Variants in DNAH11 observed in about 807,000 individuals in gnomAD.
The protein encoded by DNAH11 is dynein axonemal heavy chain 11.
Under a neutral mutation model 526.0 loss-of-function variants are expected in DNAH11, and 442 were observed. That is an observed-to-expected ratio of 0.84 (90% CI 0.78 to 0.91). DNAH11 has a LOEUF of 0.91. DNAH11 is among the 40% of genes least tolerant of loss of function. The pLI is 0.00. For synonymous variants in DNAH11, 2,461 were observed against 1,935.9 expected (o/e 1.27, Z -7.12); for missense variants, 6,989 against 5,448.7 (o/e 1.28, Z -8.90).
At chr7:21,883,573 T>C (rs544053592) in intron 75 of DNAH11, among the ~76,000 whole-genome samples, 6 of 152,364 alleles carry the variant, frequency 3.9e-5, no homozygotes, top group African/African-American at 1.4e-4. Context: ...ATTGTGTGGA[T>C]GTTGCTTTCT....
At chr7:21,750,130 T>G in intron 53 of DNAH11, 92 bp from the exon 54 acceptor site, 4 of 1,418,952 alleles carry the variant, frequency 2.8e-6, no homozygotes, top group Middle Eastern at 1.8e-4. Flanking sequence ...ATGCTGAACT[T>G]TGTCTTGTAA....
At chr7:21,879,334 G>T (rs1783828448) in intron 74 of DNAH11, among the ~76,000 whole-genome samples, 2 of 152,058 alleles carry the variant, frequency 1.3e-5, no homozygotes, top group Non-Finnish European at 2.9e-5. Flanking sequence ...GTGCATGCCT[G>T]TAGTCCCAGC....
chr7:21,882,031 T>C (rs1203490820), intron 75 of DNAH11, among the ~76,000 whole-genome samples: 1 of 152,236 alleles, frequency 6.6e-6, no homozygotes, highest in Non-Finnish European at 1.5e-5. Flanking sequence ...TTGTCTAAAC[T>C]ATTGCACATA....
At chr7:21,737,669 G>A (rs1480136673) in intron 46 of DNAH11, among the ~76,000 whole-genome samples, 1 of 152,194 alleles carries the variant, frequency 6.6e-6, no homozygotes, top group East Asian at 1.9e-4. Flanking sequence ...ACCATTTATA[G>A]GCTGTGGTTG....
intron 63 of DNAH11, 90 bp from the exon 64 acceptor site, chr7:21,816,377 A>T: frequency 9.8e-7 from 1 of 1,015,646 alleles, no homozygotes; most frequent in Non-Finnish European, 1.5e-6. Flanking sequence ...ACCTAGGGTT[A>T]CTTTCTCATG....
At chr7:21,739,282 C>A (rs576032456) in intron 47 of DNAH11, among the ~76,000 whole-genome samples, 3 of 152,224 alleles carry the variant, frequency 2.0e-5, no homozygotes, top group South Asian at 2.1e-4. Flanking sequence ...TGGAGTCTTG[C>A]TATGGGTACA....
chr7:21,593,578 A>G (rs938693417), intron 14 of DNAH11, among the ~76,000 whole-genome samples: 3 of 152,082 alleles, frequency 2.0e-5, no homozygotes, highest in African/African-American at 7.2e-5. Context: ...GGGAAATGGG[A>G]TTTAGTAAAT....
chr7:21,826,269 T>TGGGTG (rs1790293662), intron 65 of DNAH11, among the ~76,000 whole-genome samples: 1 of 152,056 alleles, frequency 6.6e-6, no homozygotes, highest in African/African-American at 2.4e-5. Context: ...AAGACTTTCT[T>TGGGTG]ATTTCCTCAT....
At position 21,871,153 on chromosome 7, in the gene DNAH11, C is replaced by T. The variant is rs367604554; in HGVS notation, c.11968-2121C>T. ...TAAAGGTGTTTAGATAGTAGTTAATCGAAAGCCCAAATTCCAGAGAAAACT... is the reference window on the plus strand; with the variant it reads ...TAAAGGTGTTTAGATAGTAGTTAATTGAAAGCCCAAATTCCAGAGAAAACT... On this transcript the variant is annotated intron_variant, in intron 73 of 81. Coordinates refer to ENST00000409508, the MANE Select transcript of DNAH11 (RefSeq NM_001277115.2). Among the ~76,000 whole-genome samples the T allele has an allele frequency of 5.9e-5, 9 of 152,248 alleles. No individual in the cohort carries two copies. The East Asian group carries it at 9.6e-4, about 16-fold the overall frequency.
At chr7:21,655,698 TATTTTGAGGGAAAAC>T in intron 28 of DNAH11, 119 bp from the exon 29 acceptor site, 3 of 937,308 alleles carry the variant, frequency 3.2e-6, no homozygotes, top group Non-Finnish European at 4.6e-6. Flanking sequence ...AAGTGACTTT[TATTTTGAGGGAAAAC>T]ATTTTGAGAC....
intron 63 of DNAH11, among the ~76,000 whole-genome samples, chr7:21,815,878 C>T (rs143742924): frequency 6.6e-6 from 1 of 152,114 alleles, no homozygotes; most frequent in Non-Finnish European, 1.5e-5. Flanking sequence ...TTGCCCCTCC[C>T]CAACCCCTTA....
At chr7:21,691,164 A>T (rs1583598013) in intron 35 of DNAH11, among the ~76,000 whole-genome samples, 1 of 131,948 alleles carries the variant, frequency 7.6e-6, no homozygotes, top group African/African-American at 3.6e-5. Flanking sequence ...ATAATCTTTC[A>T]TAATTTTTTT....
In DNAH11 at chr7:21,633,104, C is replaced by G. The variant is rs150065577; in HGVS notation, c.4501-2767C>G. Among the ~76,000 whole-genome samples the G allele has an allele frequency of 8.1e-3, 1,241 of 152,314 alleles. 13 individuals are homozygous for G. The highest frequency in any genetic ancestry group is 0.028 in the African/African-American group (1,147 of 41,582). The stretch of plus-strand genomic sequence containing the variant: ...AGATCTTGCGAGACTTATTCACAAT[C>G]ATGAGAACTGTATGGGAAAGACCTG... On this transcript the variant is annotated intron_variant, in intron 25 of 81. Transcript: ENST00000409508.
At chr7:21,772,535 AT>A (rs1787484822) in intron 55 of DNAH11, among the ~76,000 whole-genome samples, 1 of 152,126 alleles carries the variant, frequency 6.6e-6, no homozygotes, top group South Asian at 2.1e-4. Context: ...CCAAAGGATT[AT>A]GATTTATATG....
intron 73 of DNAH11, among the ~76,000 whole-genome samples, 172 bp from the exon 74 acceptor site, chr7:21,873,102 T>TTTGATGTA: frequency 6.6e-6 from 1 of 152,108 alleles, no homozygotes; most frequent in African/African-American, 2.4e-5. Context: ...TTTTTTTTTT[T>TTTGATGTA]TTGATGTATT....
intron 54 of DNAH11, among the ~76,000 whole-genome samples, chr7:21,750,793 G>C (rs1786379958): frequency 6.6e-6 from 1 of 152,130 alleles, no homozygotes; most frequent in Non-Finnish European, 1.5e-5. Flanking sequence ...GAACTTTCAG[G>C]GACGGGAAAT....
intron 44 of DNAH11, among the ~76,000 whole-genome samples, chr7:21,721,576 G>A (rs972995503): frequency 9.9e-5 from 15 of 152,122 alleles, no homozygotes; most frequent in African/African-American, 3.6e-4. Context: ...CTTTCAGACC[G>A]CCACTTTCCC....
chr7:21,665,090 TCTCTCTCTCA>T (rs376209378), intron 30 of DNAH11, among the ~76,000 whole-genome samples: 211 of 152,098 alleles, frequency 1.4e-3, no homozygotes, highest in African/African-American at 5.0e-3. Context: ...TATCTCTCTC[TCTCTCTCTCA>T]CTCTCTCTTC....
intron 42 of DNAH11, among the ~76,000 whole-genome samples, chr7:21,715,915 G>A (rs1286639324): frequency 6.7e-6 from 1 of 148,216 alleles, no homozygotes. Flanking sequence ...CACATCTCCT[G>A]GTTTGGTTGG....
Sources: gnomAD v4.1 joint callset for allele counts (sites outside exome capture counted in the v4.1 genomes callset) on GRCh38, gnomAD v4.1.1 for gene constraint, MANE v1.5 for transcripts, NCBI Gene and HGNC (gene_info 2026-07-23, HGNC 2026-07-21) for gene names.